The following CTNNA1 variants were observed in gnomAD, a reference collection of about 807,000 sequenced individuals.
CTNNA1 encodes the protein catenin alpha-1.
A neutral mutation model predicts 98.4 loss-of-function variants in CTNNA1; 37 were observed. The observed-to-expected ratio is 0.38, with a 90% CI of 0.29 to 0.49. The LOEUF (loss-of-function observed/expected upper bound fraction) is 0.49, where lower values mean the gene tolerates loss of function less well. Ranked by LOEUF, CTNNA1 falls within the 20% of genes least tolerant of loss-of-function variation. The pLI, the probability that CTNNA1 is intolerant of heterozygous loss-of-function variation, is 0.95. For synonymous variants in CTNNA1, 404 were observed against 413.2 expected (o/e 0.98, Z 0.27); for missense variants, 761 against 1,147.2 (o/e 0.66, Z 4.86).
chr5:138,893,865 TC>T (rs1561672731), intron 9 of CTNNA1, among the ~76,000 whole-genome samples: 1 of 151,020 alleles, frequency 6.6e-6, no homozygotes, highest in Non-Finnish European at 1.5e-5. Flanking sequence ...CTTGTGATCT[TC>T]CCACCTCGGC....
rs1273071168 is a variant in CTNNA1, at chr5:138,764,683, C to A, written c.-3+11173C>A. Among the ~76,000 whole-genome samples the A allele has an allele frequency of 3.3e-5, 5 of 151,578 alleles. No homozygotes were observed. The East Asian group carries it at 9.9e-4, about 30-fold the overall frequency. ...ACGGGGTTTCTCCATGTTGGTCAGG[C>A]TGGTCTCGAACTCCTGACCTCAGGT... On this transcript the variant is annotated intron_variant, in intron 1 of 17. Coordinates refer to ENST00000302763, the MANE Select transcript of CTNNA1 (RefSeq NM_001903.5).
At chr5:138,779,830 C>T (rs969362336) in intron 1 of CTNNA1, among the ~76,000 whole-genome samples, 4 of 151,964 alleles carry the variant, frequency 2.6e-5, no homozygotes, top group Non-Finnish European at 5.9e-5. Context: ...GTTTTCCTGC[C>T]TCAGCCTCCT....
intron 1 of CTNNA1, among the ~76,000 whole-genome samples, chr5:138,755,464 CCTCA>C (rs1751529751): frequency 6.6e-6 from 1 of 152,024 alleles, no homozygotes; most frequent in South Asian, 2.1e-4. Context: ...TTTTCCTCGC[CCTCA>C]CTCTTTCCTC....
chr5:138,798,281 A>G (rs1757179649), intron 3 of CTNNA1, among the ~76,000 whole-genome samples: 1 of 152,256 alleles, frequency 6.6e-6, no homozygotes, highest in Admixed American at 6.5e-5. Context: ...CTCATTTTAC[A>G]GAAAAGAAAA....
Position 138,873,242 on chromosome 5 carries a change from A to G in CTNNA1, c.1063-12970A>G. ...GCAGCACTTCCTGGAGATGAACACT[A>G]TAAAAATAATAAAAAAGAAAGAAAA... On this transcript the variant is annotated intron_variant, in intron 7 of 17. Coordinates refer to ENST00000302763, the MANE Select transcript of CTNNA1 (RefSeq NM_001903.5). The surrounding 1 kb of genome is among the most constrained non-coding windows in gnomAD (Gnocchi z 6.1). 1 of 1,613,712 alleles carries G rather than the reference A, an allele frequency of 6.2e-7. No individual in the cohort carries two copies. The highest frequency in any genetic ancestry group is 1.1e-5 in the South Asian group (1 of 91,022).
Position 138,874,767 on chromosome 5 carries a change from C to T in CTNNA1, c.1063-11445C>T, listed in dbSNP as rs1751119266. ...AAAAGAAGATAAAACATGTCTCTGT[C>T]ATCATCGATATATGCTTTTACCTAA... On this transcript the variant is annotated intron_variant, in intron 7 of 17. Transcript: ENST00000302763. This position sits in a 1 kb window ranked among gnomAD's most constrained non-coding sequence, Gnocchi z 4.1. 1.2e-6 allele frequency: 1 copy of T among 824,298 alleles called. No individual in the cohort carries two copies. The highest frequency in any genetic ancestry group is 1.9e-6 in the Non-Finnish European group (1 of 517,268). 51.1% of individuals were successfully genotyped at this position (824,298 alleles called of 1,614,324 possible). A position where few individuals can be genotyped will look rare whatever the true frequency, so the allele number is the denominator to read the frequency against.
intron 3 of CTNNA1, among the ~76,000 whole-genome samples, chr5:138,790,289 G>GT (rs1756212107): frequency 6.6e-6 from 1 of 152,244 alleles, no homozygotes; most frequent in Non-Finnish European, 1.5e-5. Context: ...AAAAGTTGTA[G>GT]TAATTTATTT....
intron 3 of CTNNA1, among the ~76,000 whole-genome samples, chr5:138,793,347 G>T (rs1756578685): frequency 6.6e-6 from 1 of 152,200 alleles, no homozygotes. Context: ...CACTACCCTT[G>T]TGTGAGCATA....
chr5:138,807,138 G>A (rs1758170090), intron 3 of CTNNA1, among the ~76,000 whole-genome samples: 2 of 151,360 alleles, frequency 1.3e-5, no homozygotes, highest in South Asian at 4.2e-4. Context: ...AGCCTCCCGA[G>A]TAACTGGGAT....
chr5:138,900,069 T>TACATTTAACAAAACAATA (rs1757703874), intron 9 of CTNNA1, among the ~76,000 whole-genome samples: 1 of 152,230 alleles, frequency 6.6e-6, no homozygotes, highest in African/African-American at 2.4e-5. Context: ...GGTTTGGAAG[T>TACATTTAACAAAACAATA]AGTTGTTAAA....
intron 3 of CTNNA1, among the ~76,000 whole-genome samples, chr5:138,802,975 T>C (rs1468112949): frequency 3.3e-5 from 5 of 152,024 alleles, no homozygotes; most frequent in Non-Finnish European, 7.4e-5. Context: ...TTAATTTTTT[T>C]TTTTTAAATA....
chr5:138,920,341 G>A (rs1287590480), intron 11 of CTNNA1, among the ~76,000 whole-genome samples: 1 of 152,198 alleles, frequency 6.6e-6, no homozygotes, highest in Non-Finnish European at 1.5e-5. Context: ...CTGACACACA[G>A]CCTAGGCAGG....
At chr5:138,924,405 C>G in intron 11 of CTNNA1, 105 bp from the exon 12 acceptor site, 1 of 1,125,388 alleles carries the variant, frequency 8.9e-7, no homozygotes. Context: ...ACTTTCAGCA[C>G]TGTGGCTGGC....
chr5:138,812,671 T>C (rs1758958014), intron 5 of CTNNA1, among the ~76,000 whole-genome samples: 1 of 152,220 alleles, frequency 6.6e-6, no homozygotes, highest in Non-Finnish European at 1.5e-5. Flanking sequence ...TGGAATTATC[T>C]CTGTATCAGA....
rs534067750 is a variant in CTNNA1 at position 138,934,955 on chromosome 5, A to G, written c.*866A>G. On this transcript the variant is annotated 3_prime_UTR_variant, in exon 18 of 18. Coordinates refer to ENST00000302763, the MANE Select transcript of CTNNA1 (RefSeq NM_001903.5). ...ACAAGGTATAATTTACTATCACCTT[A>G]TTTAAATTTTATGAATTAATTTGAA... 1.3e-5 allele frequency: 2 copies of G among 152,540 alleles called. No individual in the cohort carries two copies. The highest frequency in any genetic ancestry group is 2.1e-4 in the South Asian group (1 of 4,832). The allele number at this position is 152,540 out of a possible 1,614,324, so 9.4% of individuals were successfully genotyped here.
intron 9 of CTNNA1, among the ~76,000 whole-genome samples, chr5:138,889,993 CAG>C (rs1755002567): frequency 6.6e-6 from 1 of 152,214 alleles, no homozygotes; most frequent in South Asian, 2.1e-4. Flanking sequence ...TTGAACTAGT[CAG>C]TGACTTGTTT....
chr5:138,837,768 T>G (rs949611295), intron 7 of CTNNA1, among the ~76,000 whole-genome samples: 2 of 151,492 alleles, frequency 1.3e-5, no homozygotes, highest in South Asian at 4.2e-4. Flanking sequence ...ACTAGAGGTG[T>G]GCACCAGCAT....
At chr5:138,760,264 G>A (rs575435709) in intron 1 of CTNNA1, among the ~76,000 whole-genome samples, 12 of 151,940 alleles carry the variant, frequency 7.9e-5, no homozygotes, top group South Asian at 6.2e-4. Flanking sequence ...AAAGTGCTGG[G>A]ATTGCAGGAG....
intron 3 of CTNNA1, among the ~76,000 whole-genome samples, chr5:138,795,864 A>G (rs1756915191): frequency 6.6e-6 from 1 of 152,214 alleles, no homozygotes; most frequent in Non-Finnish European, 1.5e-5. Flanking sequence ...CAAAAAGAAA[A>G]AAAATGAAAA....
Sources: gnomAD v4.1 joint callset for allele counts (sites outside exome capture counted in the v4.1 genomes callset) on GRCh38, gnomAD v4.1.1 for gene constraint, Gnocchi (gnomAD v3.1) non-coding constraint, MANE v1.5 for transcripts, NCBI Gene and HGNC (gene_info 2026-07-23, HGNC 2026-07-21) for gene names.